The following CEP104 variants were observed in gnomAD, a reference collection of about 807,000 sequenced individuals.
The protein encoded by CEP104 is centrosomal protein 104.
Under a neutral mutation model 113.3 loss-of-function variants are expected in CEP104, and 84 were observed. That is an observed-to-expected ratio of 0.74 (90% confidence interval 0.62 to 0.89). The LOEUF (loss-of-function observed/expected upper bound fraction) is 0.89. Among genes scored for constraint, CEP104 ranks in the 40% least tolerant of loss-of-function variants. The pLI is 0.00. For synonymous variants in CEP104, 378 were observed against 421.7 expected, an observed-to-expected ratio of 0.90 and a Z score of 1.27; for missense variants, 1,053 against 1,156.6, an observed-to-expected ratio of 0.91 and a Z score of 1.30.
chr1:3,839,268 G>A lies in CEP104; in HGVS notation c.736-149C>T, dbSNP rs1394374034. ...GAAGGAATGGGCCACACTCAGCAAA[G>A]GTCTGGCTGCTGTTGCTGTATGGGC... is the stretch of plus-strand genomic sequence containing the variant. On this transcript the variant is annotated intron_variant, in intron 7 of 21. Coordinates refer to ENST00000378230, the MANE Select transcript of CEP104 (RefSeq NM_014704.4). The A allele has an allele frequency of 5.7e-5, 41 of 723,996 alleles. No homozygotes were observed. The East Asian group carries it at 1.0e-3, about 18-fold the overall frequency. 44.8% of individuals were successfully genotyped at this position (723,996 alleles called of 1,614,324 possible).
intron 20 of CEP104, among the ~76,000 whole-genome samples, chr1:3,822,275 C>T (rs1643992175): frequency 6.6e-6 from 1 of 152,188 alleles, no homozygotes; most frequent in East Asian, 1.9e-4. Context: ...CACAGAGAGC[C>T]AGATAACTGG....
chr1:3,834,892 A>G, intron 11 of CEP104, 33 bp downstream of exon 11: 2 of 1,550,522 alleles, frequency 1.3e-6, no homozygotes, highest in Middle Eastern at 1.7e-4. Flanking sequence ...TCATCCATGC[A>G]CGCTGGAGCC....
At chr1:3,843,204 G>C (rs1412359070) in intron 6 of CEP104, 2 of 713,788 alleles carry the variant, frequency 2.8e-6, no homozygotes, top group African/African-American at 3.5e-5. Context: ...ATCCACAGCA[G>C]GCAGGTGGCA....
Position 3,815,401 on chromosome 1 carries a change from G to A in CEP104, c.*1C>T, listed in dbSNP as rs12728401. On this transcript the variant is annotated 3_prime_UTR_variant, in exon 22 of 22. Transcript: ENST00000378230. Reference sequence around the variant, plus strand: ...AGAGACCAAGGAGCCCGAGCGCCGCGTCAGCGCTTGGCGTACGTCCTGCTG... The same window carrying A: ...AGAGACCAAGGAGCCCGAGCGCCGCATCAGCGCTTGGCGTACGTCCTGCTG... 0.13 allele frequency: 203,439 copies of A among 1,603,542 alleles called. 13,523 individuals are homozygous for A. Among genetic ancestry groups the A allele is most frequent in the Middle Eastern group, 0.15 (879 of 6,040 alleles).
At chr1:3,827,665 T>C (rs1644118350) in intron 15 of CEP104, among the ~76,000 whole-genome samples, 1 of 152,264 alleles carries the variant, frequency 6.6e-6, no homozygotes, top group South Asian at 2.1e-4. Flanking sequence ...TTACACTCTG[T>C]GCATTTTACC....
intron 6 of CEP104, among the ~76,000 whole-genome samples, chr1:3,840,894 T>A (rs918909780): frequency 6.6e-6 from 1 of 152,156 alleles, no homozygotes; most frequent in Non-Finnish European, 1.5e-5. Context: ...ACCACTGAGG[T>A]TTTACTCAAA....
chr1:3,839,735 T>C lies in CEP104; in HGVS notation c.608A>G (p.Asp203Gly). The C allele has an allele frequency of 1.2e-6, 2 of 1,613,446 alleles. No individual in the cohort carries two copies. The highest frequency in any genetic ancestry group is 2.2e-5 in the East Asian group (1 of 44,882). Residue 203 changes from aspartate to glycine, a missense_variant, in exon 7 of 22, where the codon GAT becomes GGT. By Grantham distance (94) the Asp-to-Gly change is moderately conservative. Transcript: ENST00000378230. ...YISPLDDLAF[D>G]MYQDPEVAQI... ...TGCAACTTCTGGATCTTGGTACATA[T>C]CAAAAGCTAAGTCATCTAGCGGAGA...
chr1:3,831,212 A>T lies in CEP104; in HGVS notation c.1670T>A (p.Leu557Ter), dbSNP rs1351213657. ...TTGGAGAGACTTAACTTCTTTAAAC[A>T]AGGCCATTTCCTATGAAAGCCAAGG... ...TAANFIQEMA[L>*]FKEVKSLQII... is the part of the protein sequence containing the mutation. The change falls in exon 13 of 22, where the codon TTG (leucine) becomes TAG (stop). Residue 557 changes from leucine (L) to a stop codon, truncating the protein, a stop_gained. Transcript: ENST00000378230. LOFTEE classifies it high-confidence loss of function. 1 of 1,612,858 alleles carries T rather than the reference A, an allele frequency of 6.2e-7. No individual in the cohort carries two copies. Among genetic ancestry groups the T allele is most frequent in the Admixed American group, 1.7e-5 (1 of 59,942 alleles).
intron 6 of CEP104, chr1:3,843,173 G>A (rs1450871056): frequency 1.0e-5 from 7 of 698,738 alleles, no homozygotes; most frequent in Non-Finnish European, 1.9e-5. Flanking sequence ...GGCACCTCTG[G>A]AATGGAGTCC....
At chr1:3,827,658 C>T (rs761593794) in intron 15 of CEP104, among the ~76,000 whole-genome samples, 16 of 152,264 alleles carry the variant, frequency 1.1e-4, no homozygotes, top group Non-Finnish European at 2.4e-4. Flanking sequence ...GTAAGATTTA[C>T]ACTCTGTGCA....
At chr1:3,832,725 C>A (rs1372721106) in intron 12 of CEP104, among the ~76,000 whole-genome samples, 3 of 152,206 alleles carry the variant, frequency 2.0e-5, no homozygotes, top group Admixed American at 6.5e-5. Flanking sequence ...TTCTCTGTCA[C>A]CCAGGCTAGA....
intron 11 of CEP104, among the ~76,000 whole-genome samples, chr1:3,834,308 C>T (rs1162958542): frequency 1.3e-5 from 2 of 151,600 alleles, no homozygotes; most frequent in Admixed American, 6.6e-5. Context: ...AAGCCCAAAT[C>T]TTCCCTTCAT....
In CEP104 at chr1:3,815,608, C is replaced by T. The variant is rs4233019; in HGVS notation, c.2663-91G>A. The T allele has an allele frequency of 0.59, 509,845 of 869,724 alleles. 152,647 individuals carry two copies. Among genetic ancestry groups the T allele is most frequent in the African/African-American group, 0.86 (51,009 of 59,050 alleles). 53.9% of individuals were successfully genotyped at this position (869,724 alleles called of 1,614,324 possible). On this transcript the variant is annotated intron_variant, in intron 21 of 21. Transcript: ENST00000378230. ...TGTGGCCACAGACACCCAGCAACAA[C>T]GTCCCAGGCCCATGCTGATGGCCGT... is the stretch of plus-strand genomic sequence containing the variant.
At chr1:3,822,200 T>G (rs1174664802) in intron 20 of CEP104, among the ~76,000 whole-genome samples, 3 of 144,440 alleles carry the variant, frequency 2.1e-5, no homozygotes, top group South Asian at 4.5e-4. Flanking sequence ...TACTCTGTGA[T>G]GCATTTCAAA....
At chr1:3,841,425 G>A (rs900171375) in intron 6 of CEP104, among the ~76,000 whole-genome samples, 5 of 152,198 alleles carry the variant, frequency 3.3e-5, no homozygotes, top group Admixed American at 1.3e-4. Flanking sequence ...ATTTTGGGGT[G>A]TCTACAAGAT....
rs180998042 is a variant in CEP104, at chr1:3,824,547, T to C, written c.2365-985A>G. 2.6e-3 allele frequency among the ~76,000 whole-genome samples: 402 copies of C among 152,308 alleles called. 2 individuals are homozygous for C. The highest frequency in any genetic ancestry group is 4.1e-3 in the Non-Finnish European group (279 of 68,026). On this transcript the variant is annotated intron_variant, in intron 18 of 21. Coordinates refer to ENST00000378230, the MANE Select transcript of CEP104 (RefSeq NM_014704.4). ...TCAAGACACTTCAGACAGCGAAGAC[T>C]GCATGCTGTGGAGTGGGAGCAGATG...
intron 1 of CEP104, 115 bp downstream of exon 1, chr1:3,856,774 G>A (rs1387419157): frequency 2.0e-5 from 3 of 152,040 alleles, no homozygotes; most frequent in African/African-American, 4.8e-5. Flanking sequence ...GCGCACCCAG[G>A]CTTCGTACCC....
intron 2 of CEP104, among the ~76,000 whole-genome samples, chr1:3,851,910 A>ACT (rs1490258190): frequency 2.0e-5 from 3 of 152,002 alleles, no homozygotes. Flanking sequence ...TTAGACACAC[A>ACT]CTCTTTCAGC....
At chr1:3,848,307 C>T (rs899029531) in intron 3 of CEP104, among the ~76,000 whole-genome samples, 4 of 151,932 alleles carry the variant, frequency 2.6e-5, no homozygotes, top group African/African-American at 7.2e-5. Context: ...TCGAGGCGGG[C>T]GGATCACGAG....
Sources: allele counts gnomAD v4.1 joint callset (sites outside exome capture counted in the v4.1 genomes callset), GRCh38; gene constraint gnomAD v4.1.1; transcripts MANE v1.5; gene names NCBI Gene and HGNC (gene_info 2026-07-23, HGNC 2026-07-21).